GRIK4: variants seen among roughly 807,000 people sequenced by gnomAD.
The protein encoded by GRIK4 is glutamate ionotropic receptor kainate type subunit 4.
In GRIK4, 40 loss-of-function variants were observed where a neutral mutation model predicts 104.9. The ratio of observed to expected loss-of-function variants is 0.38; its 90% CI spans 0.30 to 0.50. GRIK4 has a LOEUF of 0.50. Among genes scored for constraint, GRIK4 ranks in the 20% least tolerant of loss-of-function variants. The pLI, the probability that GRIK4 is intolerant of heterozygous loss-of-function variation, is 0.93. For synonymous variants in GRIK4, 485 were observed against 524.9 expected (o/e 0.92, Z 1.04); for missense variants, 1,047 against 1,308.1 (o/e 0.80, Z 3.08).
intron 14 of GRIK4, among the ~76,000 whole-genome samples, chr11:120,943,366 G>A (rs1330096133): frequency 6.6e-6 from 1 of 152,116 alleles, no homozygotes; most frequent in Non-Finnish European, 1.5e-5. Context: ...ACCATGCTTA[G>A]GAAGTACCAA....
chr11:120,891,857 G>A (rs7129234), intron 11 of GRIK4, among the ~76,000 whole-genome samples: 3,205 of 152,300 alleles, frequency 0.021, 96 homozygotes, highest in African/African-American at 0.071. Context: ...ATTAACAGAT[G>A]TAAAGTAGAT....
At chr11:120,641,637 G>A (rs1336585721) in intron 1 of GRIK4, among the ~76,000 whole-genome samples, 2 of 152,136 alleles carry the variant, frequency 1.3e-5, no homozygotes, top group Admixed American at 6.5e-5. Context: ...ACATGCTAAT[G>A]CATTATAATA....
chr11:120,742,158 C>G (rs1238141299), intron 3 of GRIK4, among the ~76,000 whole-genome samples: 1 of 152,020 alleles, frequency 6.6e-6, no homozygotes, highest in Admixed American at 6.6e-5. Context: ...CCAGCCTGGC[C>G]AACATGGGGA....
intron 1 of GRIK4, among the ~76,000 whole-genome samples, chr11:120,611,780 C>T (rs1415723566): frequency 6.6e-6 from 1 of 152,184 alleles, no homozygotes; most frequent in African/African-American, 2.4e-5. Context: ...TCCTCCCTTC[C>T]CCCGCAGCAT....
intron 1 of GRIK4, among the ~76,000 whole-genome samples, chr11:120,575,018 G>T (rs554343987): frequency 6.6e-6 from 1 of 152,318 alleles, no homozygotes; most frequent in African/African-American, 2.4e-5. Context: ...CTAAAGCTGT[G>T]TCATGCTTTG....
chr11:120,770,095 G>A (rs924319483), intron 3 of GRIK4, among the ~76,000 whole-genome samples: 14 of 152,162 alleles, frequency 9.2e-5, no homozygotes, highest in African/African-American at 3.4e-4. Flanking sequence ...TCTGCAATTA[G>A]TCAGTTAGTC....
At chr11:120,823,898 A>G (rs1342472057) in intron 6 of GRIK4, among the ~76,000 whole-genome samples, 1 of 152,196 alleles carries the variant, frequency 6.6e-6, no homozygotes, top group Non-Finnish European at 1.5e-5. Context: ...CTCCAGGGCC[A>G]GAGCAGGGAA....
chr11:120,567,114 A>C (rs776735854), intron 1 of GRIK4, among the ~76,000 whole-genome samples: 9 of 150,946 alleles, frequency 6.0e-5, no homozygotes, highest in Non-Finnish European at 1.3e-4. Flanking sequence ...CAGTCTCCTC[A>C]GTAGCTGGGA....
chr11:120,854,688 CTAA>C (rs1591992672), intron 8 of GRIK4, among the ~76,000 whole-genome samples: 1 of 152,290 alleles, frequency 6.6e-6, no homozygotes, highest in East Asian at 1.9e-4. Context: ...ATTATTACTT[CTAA>C]TAATACTAAT....
intron 3 of GRIK4, 122 bp from the exon 4 acceptor site, chr11:120,802,571 A>T (rs1343291489): frequency 3.7e-6 from 3 of 817,232 alleles, no homozygotes; most frequent in African/African-American, 1.7e-5. Context: ...GCATGGCAGG[A>T]TGGAGAGGAA....
intron 8 of GRIK4, among the ~76,000 whole-genome samples, chr11:120,841,272 T>C (rs545402253): frequency 1.3e-3 from 195 of 152,320 alleles, no homozygotes; most frequent in Non-Finnish European, 2.2e-3. Context: ...ACTCCCCATG[T>C]CTTTTTGCAC....
chr11:120,733,061 G>C (rs573915673), intron 3 of GRIK4, among the ~76,000 whole-genome samples: 153 of 152,182 alleles, frequency 1.0e-3, no homozygotes, highest in African/African-American at 3.4e-3. Context: ...ATATCCTTTT[G>C]TTGAATTGAC....
At chr11:120,751,629 C>T (rs1417755990) in intron 3 of GRIK4, among the ~76,000 whole-genome samples, 1 of 152,164 alleles carries the variant, frequency 6.6e-6, no homozygotes, top group East Asian at 1.9e-4. Flanking sequence ...ACAAGTCAGA[C>T]ACACAGTCGG....
intron 3 of GRIK4, among the ~76,000 whole-genome samples, chr11:120,784,466 G>C (rs1952224272): frequency 6.6e-6 from 1 of 152,074 alleles, no homozygotes; most frequent in Admixed American, 6.6e-5. Flanking sequence ...CCTTGGTGTG[G>C]TCAGACCTCT....
intron 9 of GRIK4, among the ~76,000 whole-genome samples, chr11:120,864,911 C>T (rs1054308728): frequency 1.3e-5 from 2 of 152,206 alleles, no homozygotes; most frequent in African/African-American, 4.8e-5. Context: ...TTGACATTTT[C>T]TCACCGTGTG....
intron 13 of GRIK4, among the ~76,000 whole-genome samples, chr11:120,921,565 T>TC (rs1306000467): frequency 2.0e-5 from 3 of 151,536 alleles, no homozygotes; most frequent in Non-Finnish European, 4.4e-5. Flanking sequence ...GTGGCTGCCC[T>TC]CCCGCTTGCG....
chr11:120,900,167 G>A (rs1942693510), intron 12 of GRIK4, among the ~76,000 whole-genome samples: 1 of 152,188 alleles, frequency 6.6e-6, no homozygotes, highest in Admixed American at 6.5e-5. Flanking sequence ...TGAAAGACAG[G>A]GAATGAGTGG....
intron 1 of GRIK4, among the ~76,000 whole-genome samples, chr11:120,588,580 T>G: frequency 6.6e-6 from 1 of 151,898 alleles, no homozygotes; most frequent in Non-Finnish European, 1.5e-5. Flanking sequence ...CAGTGAGGGG[T>G]GGTGGCTGCC....
At chr11:120,716,600 G>C (rs1950839771) in intron 3 of GRIK4, among the ~76,000 whole-genome samples, 1 of 152,090 alleles carries the variant, frequency 6.6e-6, no homozygotes, top group Non-Finnish European at 1.5e-5. Flanking sequence ...TGGTACAAAA[G>C]GTGCAAAGAG....
Sources: allele counts gnomAD v4.1 joint callset (sites outside exome capture counted in the v4.1 genomes callset), GRCh38; gene constraint gnomAD v4.1.1; transcripts MANE v1.5; gene names NCBI Gene and HGNC (gene_info 2026-07-23, HGNC 2026-07-21).